The following ZNF704 variants were observed in gnomAD, a reference collection of about 807,000 sequenced individuals.
ZNF704 encodes the protein zinc finger protein 704.
In ZNF704, 10 loss-of-function variants were observed where a neutral mutation model predicts 44.7. That is an observed-to-expected ratio of 0.22 (90% confidence interval 0.14 to 0.38). The LOEUF (loss-of-function observed/expected upper bound fraction) is 0.38. Among genes scored for constraint, ZNF704 ranks in the 10% least tolerant of loss-of-function variants. ZNF704 has a pLI of 1.00. For synonymous variants in ZNF704, 211 were observed against 207.6 expected (o/e 1.02, Z -0.14); for missense variants, 390 against 545.5 (o/e 0.71, Z 2.84).
chr8:80,742,076 T>C (rs1489247775), intron 2 of ZNF704, among the ~76,000 whole-genome samples: 1 of 151,992 alleles, frequency 6.6e-6, no homozygotes, highest in African/African-American at 2.4e-5. Context: ...AGGAAGCCAT[T>C]AGGAGATTAT....
At chr8:80,884,222 C>T in the ZNF704 span, among the ~76,000 whole-genome samples, 4 of 152,158 alleles carry the variant, frequency 2.6e-5, no homozygotes, top group Admixed American at 6.5e-5. Context: ...TCCTTCCGGT[C>T]GACAATGTGC....
intron 2 of ZNF704, among the ~76,000 whole-genome samples, chr8:80,724,917 G>C (rs1806449021): frequency 6.6e-6 from 1 of 152,088 alleles, no homozygotes. Context: ...GCCATTCCAG[G>C]TCTGAACAAT....
intron 5 of ZNF704, among the ~76,000 whole-genome samples, chr8:80,669,070 G>A (rs1225067028): frequency 1.3e-5 from 2 of 152,160 alleles, no homozygotes; most frequent in Non-Finnish European, 2.9e-5. Flanking sequence ...GAGCACCCCA[G>A]GAACTCACAG....
chr8:80,767,747 A>G (rs1222865313), intron 2 of ZNF704, among the ~76,000 whole-genome samples: 3 of 152,168 alleles, frequency 2.0e-5, no homozygotes, highest in Non-Finnish European at 4.4e-5. Context: ...TTCTCTTATA[A>G]GCACCTTTAC....
chr8:80,881,085 T>C, the ZNF704 span, among the ~76,000 whole-genome samples: 5 of 152,234 alleles, frequency 3.3e-5, no homozygotes, highest in Admixed American at 2.6e-4. Context: ...CTTTGCTTTC[T>C]TTTTTATGTA....
At position 80,871,325 on chromosome 8, in the gene ZNF704, C is replaced by T. The variant is rs547429078; in HGVS notation, c.-22+3246G>A. Reference sequence around the variant, plus strand: ...GCCTCCTTGACATATCTCATACCTACCAAGTTCCAGCCACACTCACCCTTT... The same window carrying T: ...GCCTCCTTGACATATCTCATACCTATCAAGTTCCAGCCACACTCACCCTTT... On this transcript the variant is annotated intron_variant, in intron 1 of 8. Transcript: ENST00000327835. 8.0e-4 allele frequency among the ~76,000 whole-genome samples: 122 copies of T among 152,318 alleles called. No individual in the cohort carries two copies. The South Asian group carries it at 0.023, about 29-fold the overall frequency.
Position 80,814,632 on chromosome 8 carries a change from T to C in ZNF704, c.221+6742A>G, listed in dbSNP as rs574016652. Among the ~76,000 whole-genome samples, 32 of 152,330 alleles carry C rather than the reference T, an allele frequency of 2.1e-4. No homozygotes were observed. In the South Asian group the frequency reaches 6.4e-3, roughly 31 times the overall value. On this transcript the variant is annotated intron_variant, in intron 2 of 8. Coordinates refer to ENST00000327835, the MANE Select transcript of ZNF704 (RefSeq NM_001033723.3). The stretch of plus-strand genomic sequence containing the variant: ...CAATTATACAGTACCAGTATTTCTC[T>C]AACATGAGTGAGTACATTTATATTC...
chr8:80,706,663 C>T (rs1022670698), intron 2 of ZNF704, among the ~76,000 whole-genome samples: 2 of 152,212 alleles, frequency 1.3e-5, no homozygotes, highest in Non-Finnish European at 2.9e-5. Context: ...ATGGCCTTGC[C>T]CTTCAGGAGC....
At chr8:80,749,895 A>G (rs962263574) in intron 2 of ZNF704, among the ~76,000 whole-genome samples, 1 of 152,056 alleles carries the variant, frequency 6.6e-6, no homozygotes, top group African/African-American at 2.4e-5. Flanking sequence ...TTCCCTCTTT[A>G]CCAGAGGTGA....
intron 3 of ZNF704, among the ~76,000 whole-genome samples, chr8:80,688,821 T>C (rs1414445845): frequency 6.6e-6 from 1 of 152,096 alleles, no homozygotes; most frequent in African/African-American, 2.4e-5. Context: ...TAGCTGGACA[T>C]GGTGGTGCGT....
intron 2 of ZNF704, among the ~76,000 whole-genome samples, chr8:80,766,523 C>T (rs1481245368): frequency 6.6e-6 from 1 of 152,114 alleles, no homozygotes; most frequent in African/African-American, 2.4e-5. Flanking sequence ...CAGTTATCTC[C>T]AATTAAAAGA....
Position 80,856,179 on chromosome 8 carries a change from G to A in ZNF704, c.-22+18392C>T, listed in dbSNP as rs550909525. Among the ~76,000 whole-genome samples the A allele has an allele frequency of 5.3e-5, 8 of 152,138 alleles. No individual in the cohort carries two copies. In the East Asian group the frequency reaches 1.6e-3, roughly 29 times the overall value. On this transcript the variant is annotated intron_variant, in intron 1 of 8. Transcript: ENST00000327835. ...TTGCTTGGTTGCCGGGGCTGGTCTT[G>A]GACTCCTGGCTTCAAGCAATCCTCC...
chr8:80,653,153 T>C (rs1299999446), intron 7 of ZNF704, among the ~76,000 whole-genome samples: 1 of 152,230 alleles, frequency 6.6e-6, no homozygotes. Context: ...AAATTAGGTA[T>C]TGATGGGACA....
intron 2 of ZNF704, among the ~76,000 whole-genome samples, chr8:80,744,618 A>C (rs2131697548): frequency 6.6e-6 from 1 of 152,318 alleles, no homozygotes; most frequent in South Asian, 2.1e-4. Context: ...TTAGTGCATG[A>C]CATCTTCATC....
chr8:80,692,345 G>T (rs886476082), intron 3 of ZNF704, among the ~76,000 whole-genome samples: 1 of 152,194 alleles, frequency 6.6e-6, no homozygotes, highest in Non-Finnish European at 1.5e-5. Flanking sequence ...ATACCTCATA[G>T]AATTGTTGTG....
chr8:80,837,682 A>G (rs1199621260), intron 1 of ZNF704, among the ~76,000 whole-genome samples: 1 of 152,120 alleles, frequency 6.6e-6, no homozygotes, highest in Non-Finnish European at 1.5e-5. Flanking sequence ...ATAAACACCA[A>G]CTTTACTTCT....
At chr8:80,856,744 G>C (rs1015005224) in intron 1 of ZNF704, among the ~76,000 whole-genome samples, 2 of 152,076 alleles carry the variant, frequency 1.3e-5, no homozygotes, top group Non-Finnish European at 2.9e-5. Context: ...ACACTGTTAG[G>C]ACTACTCTCA....
At chr8:80,676,605 A>G (rs1321958467) in intron 4 of ZNF704, among the ~76,000 whole-genome samples, 2 of 152,228 alleles carry the variant, frequency 1.3e-5, no homozygotes, top group Non-Finnish European at 2.9e-5. Flanking sequence ...AACTGATGAC[A>G]AAGAGGGAAG....
At chr8:80,799,230 G>A (rs1242354558) in intron 2 of ZNF704, among the ~76,000 whole-genome samples, 1 of 152,174 alleles carries the variant, frequency 6.6e-6, no homozygotes, top group Non-Finnish European at 1.5e-5. Context: ...ATTGTAGGAT[G>A]CTAGACAATA....
Sources: allele counts gnomAD v4.1 joint callset (sites outside exome capture counted in the v4.1 genomes callset), GRCh38; gene constraint gnomAD v4.1.1; transcripts MANE v1.5; gene names NCBI Gene and HGNC (gene_info 2026-07-23, HGNC 2026-07-21).